Variants in DNAH14 observed in about 807,000 individuals in gnomAD.
The protein encoded by DNAH14 is axonemal beta dynein heavy chain 14.
A neutral mutation model predicts 520.9 loss-of-function variants in DNAH14; 478 were observed. The observed-to-expected ratio is 0.92, with a 90% CI of 0.85 to 0.99. The LOEUF (loss-of-function observed/expected upper bound fraction) is 0.99. Ranked by LOEUF, DNAH14 falls within the 50% of genes least tolerant of loss-of-function variation. The pLI, the probability that DNAH14 is intolerant of heterozygous loss-of-function variation, is 0.00. For missense variants in DNAH14, 4,831 were observed against 5,234.5 expected (o/e 0.92, Z 2.38); for synonymous variants, 1,581 against 1,757.2 (o/e 0.90, Z 2.51).
At chr1:225,171,177 AAAATTGACACCCT>A (rs1217162046) in intron 36 of DNAH14, among the ~76,000 whole-genome samples, 5 of 152,222 alleles carry the variant, frequency 3.3e-5, no homozygotes, top group Non-Finnish European at 7.3e-5. Context: ...GGAAGGATCT[AAAATTGACACCCT>A]AACATCACAA....
intron 68 of DNAH14, 54 bp from the exon 69 acceptor site, chr1:225,340,403 T>G: frequency 6.8e-7 from 1 of 1,463,104 alleles, no homozygotes; most frequent in Non-Finnish European, 9.1e-7. Flanking sequence ...ATAAATTGGT[T>G]CATTTTTTTC....
chr1:225,390,322 G>A (rs186538861), intron 83 of DNAH14, among the ~76,000 whole-genome samples: 106 of 152,226 alleles, frequency 7.0e-4, no homozygotes, highest in African/African-American at 2.1e-3. Context: ...CAACATAAAC[G>A]TCCAGCAGCG....
chr1:225,392,484 A>G, intron 84 of DNAH14, 33 bp downstream of exon 84: 1 of 1,548,936 alleles, frequency 6.5e-7, no homozygotes, highest in Non-Finnish European at 8.7e-7. Flanking sequence ...AGAAACGGTG[A>G]TCATTCATTC....
intron 79 of DNAH14, 55 bp from the exon 80 acceptor site, chr1:225,380,104 C>T (rs2095761182): frequency 4.0e-6 from 6 of 1,496,012 alleles, no homozygotes; most frequent in Non-Finnish European, 4.5e-6. Flanking sequence ...CAAATCTCTC[C>T]CCATCTCCCC....
chr1:225,129,223 A>C (rs1231577060), intron 27 of DNAH14, among the ~76,000 whole-genome samples: 1 of 132,316 alleles, frequency 7.6e-6, no homozygotes, highest in Admixed American at 9.0e-5. Context: ...AATCAATATC[A>C]TGAAAATGGC....
intron 10 of DNAH14, among the ~76,000 whole-genome samples, chr1:225,020,915 G>A (rs754447917): frequency 6.6e-6 from 1 of 152,044 alleles, no homozygotes; most frequent in Non-Finnish European, 1.5e-5. Context: ...AATTATCAAC[G>A]TAGTACAGCA....
intron 41 of DNAH14, among the ~76,000 whole-genome samples, chr1:225,211,986 CTTG>C (rs1201436252): frequency 6.6e-6 from 1 of 151,206 alleles, no homozygotes; most frequent in East Asian, 1.9e-4. Flanking sequence ...ATACATGTGC[CTTG>C]TTGGTGTGCT....
chr1:225,315,236 T>C (rs950537193), intron 60 of DNAH14, among the ~76,000 whole-genome samples: 1 of 151,776 alleles, frequency 6.6e-6, no homozygotes, highest in Non-Finnish European at 1.5e-5. Context: ...ATTCGGCTAC[T>C]GATATTTGGG....
intron 38 of DNAH14, among the ~76,000 whole-genome samples, chr1:225,197,757 T>A (rs1559261429): frequency 1.3e-5 from 2 of 152,158 alleles, no homozygotes; most frequent in East Asian, 1.9e-4. Context: ...TTTCACCTCC[T>A]TCATTAGGTA....
intron 50 of DNAH14, 32 bp downstream of exon 50, chr1:225,270,898 AAATT>A: frequency 2.6e-6 from 4 of 1,534,582 alleles, no homozygotes; most frequent in Non-Finnish European, 3.5e-6. Flanking sequence ...CTACTGAAAA[AAATT>A]AATTCCCTAG....
chr1:224,931,034 C>T (rs1296849295), intron 1 of DNAH14, among the ~76,000 whole-genome samples: 1 of 152,126 alleles, frequency 6.6e-6, no homozygotes, highest in African/African-American at 2.4e-5. Context: ...ATGACAGCTC[C>T]ATGTGTTATT....
At chr1:225,257,887 CA>C (rs35313445) in intron 44 of DNAH14, 72 bp from the exon 45 acceptor site, 180,542 of 914,228 alleles carry the variant, frequency 0.2, 356 homozygotes, top group South Asian at 0.21. Flanking sequence ...ATCCTAATGA[CA>C]AAAAAAAAAA....
intron 17 of DNAH14, among the ~76,000 whole-genome samples, chr1:225,077,722 C>T (rs10915771): frequency 0.33 from 50,817 of 151,948 alleles, 10,123 homozygotes; most frequent in East Asian, 0.54. Flanking sequence ...AGGCTGGGAT[C>T]GAAAATAAGT....
intron 10 of DNAH14, among the ~76,000 whole-genome samples, chr1:225,022,753 A>C (rs146572215): frequency 2.7e-3 from 416 of 152,320 alleles, no homozygotes; most frequent in Middle Eastern, 0.027. Context: ...TATATACCCA[A>C]AGGAAAATAA....
chr1:225,168,725 C>A (rs1448597509), intron 36 of DNAH14, among the ~76,000 whole-genome samples: 1 of 152,170 alleles, frequency 6.6e-6, no homozygotes, highest in Non-Finnish European at 1.5e-5. Flanking sequence ...CCTCTGGGGG[C>A]AGGGCACAGC....
chr1:225,035,431 A>G (rs988701698), intron 11 of DNAH14, among the ~76,000 whole-genome samples: 1 of 151,632 alleles, frequency 6.6e-6, no homozygotes, highest in Non-Finnish European at 1.5e-5. Flanking sequence ...TTCTTCTACT[A>G]ACTTTGGATT....
intron 8 of DNAH14, among the ~76,000 whole-genome samples, chr1:224,981,682 TC>T (rs1367894941): frequency 9.8e-5 from 15 of 152,334 alleles, no homozygotes; most frequent in Admixed American, 8.5e-4. Flanking sequence ...TTTCTTCTTT[TC>T]TTGGTTAAAC....
rs2094583536 is a variant in DNAH14, at chr1:225,322,967, GTTGC to G, written c.9495+145_9495+148del. 1.0e-5 allele frequency: 9 copies of G among 895,700 alleles called. No homozygotes were observed. In the East Asian group the frequency reaches 2.4e-4, roughly 24 times the overall value. 55.5% of individuals were successfully genotyped at this position (895,700 alleles called of 1,614,324 possible). On this transcript the variant is annotated intron_variant, in intron 62 of 85. Coordinates refer to ENST00000682510, the MANE Select transcript of DNAH14 (RefSeq NM_001367479.1). The stretch of plus-strand genomic sequence containing the variant: ...CTCTATTCTTCCAGGCAAGAGAGGA[GTTGC>G]CTAGTTGGATAGGGAAAAGAAATCC...
intron 31 of DNAH14, 93 bp downstream of exon 31, chr1:225,147,342 GT>G: frequency 2.3e-6 from 3 of 1,292,114 alleles, no homozygotes; most frequent in Non-Finnish European, 3.0e-6. Context: ...CCCAATAAGT[GT>G]TTAGGTCTTT....
Sources: gnomAD v4.1 joint callset for allele counts (sites outside exome capture counted in the v4.1 genomes callset) on GRCh38, gnomAD v4.1.1 for gene constraint, MANE v1.5 for transcripts, NCBI Gene and HGNC (gene_info 2026-07-23, HGNC 2026-07-21) for gene names.